PMVK: variants seen among roughly 807,000 people sequenced by gnomAD.
The protein encoded by PMVK is testis tissue sperm-binding protein Li 95mP.
PMVK carries 10 observed loss-of-function variants against 19.0 expected under a neutral mutation model. That is an observed-to-expected ratio of 0.53 (90% CI 0.32 to 0.89). The LOEUF (loss-of-function observed/expected upper bound fraction) is 0.89. Ranked by LOEUF, PMVK falls within the 40% of genes least tolerant of loss-of-function variation. PMVK has a pLI of 0.03. For synonymous variants in PMVK, 108 were observed against 101.6 expected (o/e 1.06, Z -0.38); for missense variants, 222 against 251.1 (o/e 0.88, Z 0.78).
At chr1:154,928,958 G>A in intron 3 of PMVK, 66 bp downstream of exon 3, 1 of 1,492,990 alleles carries the variant, frequency 6.7e-7, no homozygotes, top group Non-Finnish European at 9.3e-7. Flanking sequence ...TGGAGACAGA[G>A]AGAGATGGAC....
intron 2 of PMVK, among the ~76,000 whole-genome samples, chr1:154,929,887 A>C (rs1654283216): frequency 6.6e-6 from 1 of 152,158 alleles, no homozygotes; most frequent in Admixed American, 6.5e-5. Flanking sequence ...AACTCACTGC[A>C]ACAAGACCTT....
At chr1:154,939,539 A>C (rs565764327), upstream of PMVK, among the ~76,000 whole-genome samples, 73 of 151,680 alleles carry the variant, frequency 4.8e-4, no homozygotes, top group African/African-American at 1.6e-3. Flanking sequence ...CAAAAAAAAA[A>C]AAACAAAACA....
intron 2 of PMVK, among the ~76,000 whole-genome samples, chr1:154,931,470 C>A (rs1477473136): frequency 6.6e-6 from 1 of 151,970 alleles, no homozygotes; most frequent in Admixed American, 6.6e-5. Context: ...CCATGTGGTT[C>A]AAAATTCAAA....
At chr1:154,933,795 CT>C (rs1558032364) in intron 1 of PMVK, among the ~76,000 whole-genome samples, 1 of 151,444 alleles carries the variant, frequency 6.6e-6, no homozygotes, top group Non-Finnish European at 1.5e-5. Context: ...CACGGCCCTT[CT>C]TTTTTTCTCT....
At chr1:154,931,890 T>C (rs543614236) in intron 2 of PMVK, among the ~76,000 whole-genome samples, 6 of 152,264 alleles carry the variant, frequency 3.9e-5, no homozygotes, top group South Asian at 2.1e-4. Flanking sequence ...GGTTTCACCA[T>C]GTTGGCCAGG....
chr1:154,940,495 G>A (rs1352672848), upstream of PMVK, among the ~76,000 whole-genome samples: 2 of 152,300 alleles, frequency 1.3e-5, no homozygotes, highest in East Asian at 3.9e-4. Context: ...GGCTGCCAGT[G>A]GCAGAATTTG....
rs191785663 is a variant in PMVK at position 154,926,630 on chromosome 1, C to T, written c.313-147G>A. 2.2e-3 allele frequency: 1,407 copies of T among 635,628 alleles called. 3 individuals are homozygous for T. Among genetic ancestry groups the T allele is most frequent in the Non-Finnish European group, 3.3e-3 (1,201 of 364,788 alleles). 39.4% of individuals were successfully genotyped at this position (635,628 alleles called of 1,614,324 possible). A position where few individuals can be genotyped will look rare whatever the true frequency, so the allele number is the denominator to read the frequency against. On this transcript the variant is annotated intron_variant, in intron 3 of 4. Transcript: ENST00000368467. ...TGTCAGCAGCTAGACTCACTATTCACGGATTCATTCATTCATTGAACATAC... is the reference window on the plus strand; with the variant it reads ...TGTCAGCAGCTAGACTCACTATTCATGGATTCATTCATTCATTGAACATAC...
At chr1:154,929,613 C>G (rs764164586) in intron 2 of PMVK, among the ~76,000 whole-genome samples, 1 of 152,248 alleles carries the variant, frequency 6.6e-6, no homozygotes, top group Non-Finnish European at 1.5e-5. Flanking sequence ...CCAAATCCCA[C>G]GGAGATTGTG....
Position 154,925,234 on chromosome 1 carries a change from C to T in PMVK, c.474G>A (p.Leu158=). 1.2e-6 allele frequency: 2 copies of T among 1,614,150 alleles called. No homozygotes were observed. The highest frequency in any genetic ancestry group is 2.2e-5 in the South Asian group (2 of 91,082). ...CCCAGTCAAAGTCCCCGAAGTTGTCCAGGCCACATTCTGACTCAGCATCGT... is the reference window on the plus strand; with the variant it reads ...CCCAGTCAAAGTCCCCGAAGTTGTCTAGGCCACATTCTGACTCAGCATCGT... The part of the protein sequence containing the change: ...GVDDAESECG[L]DNFGDFDWVI... The change falls in exon 5 of 5, where the codon CTG becomes CTA. Residue 158 remains leucine (L), a synonymous_variant. Coordinates refer to ENST00000368467, the MANE Select transcript of PMVK (RefSeq NM_006556.4).
At chr1:154,929,925 C>G (rs1654284318) in intron 2 of PMVK, among the ~76,000 whole-genome samples, 1 of 152,190 alleles carries the variant, frequency 6.6e-6, no homozygotes, top group Non-Finnish European at 1.5e-5. Context: ...ATTTCTTGAT[C>G]ACCCACCTGC....
At chr1:154,931,600 C>T (rs960927548) in intron 2 of PMVK, among the ~76,000 whole-genome samples, 8 of 152,260 alleles carry the variant, frequency 5.3e-5, no homozygotes, top group East Asian at 3.9e-4. Context: ...TCCCAGGCAC[C>T]TGAAACAGTG....
upstream of PMVK, chr1:154,937,222 G>T (rs1026730277): frequency 1.3e-5 from 2 of 154,478 alleles, no homozygotes; most frequent in African/African-American, 4.8e-5. Context: ...ATCTGCGCGC[G>T]CCCCAGAGTG....
In PMVK at chr1:154,935,088, A is replaced by T. The variant is rs552808376; in HGVS notation, c.95+1503T>A. On this transcript the variant is annotated intron_variant, in intron 1 of 4. Coordinates refer to ENST00000368467, the MANE Select transcript of PMVK (RefSeq NM_006556.4). ...AAAAAAAAAAAAAAAAAAAAAAAAC[A>T]TGAGGCACAGAGTGAATGACAGATG... Among the ~76,000 whole-genome samples, 30 of 144,356 alleles carry T rather than the reference A, an allele frequency of 2.1e-4. 1 individual carries two copies. The South Asian group carries it at 6.3e-3, about 30-fold the overall frequency. 94.7% of individuals were successfully genotyped at this position (144,356 alleles called of 152,430 possible).
At chr1:154,925,749 G>A (rs950652034) in intron 4 of PMVK, among the ~76,000 whole-genome samples, 1 of 152,210 alleles carries the variant, frequency 6.6e-6, no homozygotes, top group Non-Finnish European at 1.5e-5. Flanking sequence ...CCAACCATGG[G>A]TAAACTAATA....
chr1:154,924,955 G>A lies in PMVK; in HGVS notation c.*174C>T. On this transcript the variant is annotated 3_prime_UTR_variant, in exon 5 of 5. Transcript: ENST00000368467. ...AGAGCATGGCTGTCTTCCCCATGGA[G>A]AAAATGAGGTCTCCAGAGGTTTCCT... The A allele has an allele frequency of 1.5e-6, 1 of 669,258 alleles. No homozygotes were observed. Among genetic ancestry groups the A allele is most frequent in the Non-Finnish European group, 2.6e-6 (1 of 386,396 alleles). The allele number at this position is 669,258 out of a possible 1,614,324, so 41.5% of individuals were successfully genotyped here. A position where few individuals can be genotyped will look rare whatever the true frequency, so the allele number is the denominator to read the frequency against.
Position 154,925,091 on chromosome 1 carries a change from ACCT to A in PMVK, c.*35_*37del. ...ATTTTGCAGAGTCAGCCCCACCCCCACCTCAGCAGGCCCCAGCTCACTCCTAGA... is the reference window on the plus strand; with the variant it reads ...ATTTTGCAGAGTCAGCCCCACCCCCACAGCAGGCCCCAGCTCACTCCTAGA... On this transcript the variant is annotated 3_prime_UTR_variant, in exon 5 of 5. Transcript: ENST00000368467. 1.2e-6 allele frequency: 1 copy of A among 843,250 alleles called. No individual in the cohort carries two copies. Among genetic ancestry groups the A allele is most frequent in the African/African-American group, 3.3e-5 (1 of 30,124 alleles). The allele number at this position is 843,250 out of a possible 1,614,324, so 52.2% of individuals were successfully genotyped here. A position where few individuals can be genotyped will look rare whatever the true frequency, so the allele number is the denominator to read the frequency against.
chr1:154,939,412 G>A (rs1285674228), upstream of PMVK, among the ~76,000 whole-genome samples: 1 of 152,076 alleles, frequency 6.6e-6, no homozygotes, highest in Non-Finnish European at 1.5e-5. Flanking sequence ...GTGGCCCGGT[G>A]CAGTGGCTCA....
At chr1:154,938,677 A>G (rs1327448955), upstream of PMVK, among the ~76,000 whole-genome samples, 1 of 152,106 alleles carries the variant, frequency 6.6e-6, no homozygotes, top group Non-Finnish European at 1.5e-5. Flanking sequence ...TGGTGTCTCA[A>G]GTGGAGGCTT....
chr1:154,936,902 G>A (rs1654527068), upstream of PMVK: 2 of 561,166 alleles, frequency 3.6e-6, no homozygotes, highest in Non-Finnish European at 3.2e-6. Flanking sequence ...CACGCGGAGA[G>A]AAAGGCGGTT....
Sources: allele counts gnomAD v4.1 joint callset (sites outside exome capture counted in the v4.1 genomes callset), GRCh38; gene constraint gnomAD v4.1.1; transcripts MANE v1.5; gene names NCBI Gene and HGNC (gene_info 2026-07-23, HGNC 2026-07-21).